Variants in COL23A1 observed in about 807,000 individuals in gnomAD.
COL23A1 encodes collagen alpha-1(XXIII) chain.
COL23A1 carries 97 observed loss-of-function variants against 99.3 expected under a neutral mutation model. The observed-to-expected ratio is 0.98, with a 90% CI of 0.83 to 1.16. The LOEUF is 1.16. COL23A1 is among the 50% of genes most tolerant of loss of function. COL23A1 has a pLI of 0.00. For synonymous variants in COL23A1, 320 were observed against 308.2 expected (o/e 1.04, Z -0.40); for missense variants, 762 against 757.4 (o/e 1.01, Z -0.07).
chr5:178,313,832 G>C lies in COL23A1; in HGVS notation c.362-6913C>G, dbSNP rs1343215633. Among the ~76,000 whole-genome samples, 3 of 152,124 alleles carry C rather than the reference G, an allele frequency of 2.0e-5. No individual in the cohort carries two copies. ...GCTGGGGCTTCAGGGCCATCAGGGG[G>C]TGCACCTTGAGCAGAGAAGGCAAGC... On this transcript the variant is annotated intron_variant, in intron 2 of 28. Transcript: ENST00000390654. The surrounding 1 kb of genome is among the most constrained non-coding windows in gnomAD (Gnocchi z 4.2).
Position 178,306,547 on chromosome 5 carries a change from G to A in COL23A1, c.406+328C>T, listed in dbSNP as rs2127603946. ...TTGTGCTGAAGGACCCATGGGGGAG[G>A]GTGTGGCTGGCGGAGTCATCACCTT... On this transcript the variant is annotated intron_variant, in intron 3 of 28. Coordinates refer to ENST00000390654, the MANE Select transcript of COL23A1 (RefSeq NM_173465.4). This position sits in a 1 kb window ranked among gnomAD's most constrained non-coding sequence, Gnocchi z 4.1. 6.6e-6 allele frequency among the ~76,000 whole-genome samples: 1 copy of A among 151,676 alleles called. No homozygotes were observed. Among genetic ancestry groups the A allele is most frequent in the Middle Eastern group, 3.4e-3 (1 of 294 alleles).
chr5:178,357,971 T>A (rs998367437), intron 2 of COL23A1, among the ~76,000 whole-genome samples: 1 of 148,364 alleles, frequency 6.7e-6, no homozygotes, highest in African/African-American at 2.5e-5. Flanking sequence ...TGTATGTGTA[T>A]GTGTATATAT....
chr5:178,398,889 C>T (rs1764289728), intron 2 of COL23A1, among the ~76,000 whole-genome samples: 1 of 152,224 alleles, frequency 6.6e-6, no homozygotes, highest in African/African-American at 2.4e-5. Context: ...TTCTTCTTTG[C>T]ATCCCAGCAC....
At chr5:178,472,598 G>A (rs1756814922) in intron 2 of COL23A1, among the ~76,000 whole-genome samples, 1 of 152,020 alleles carries the variant, frequency 6.6e-6, no homozygotes, top group Admixed American at 6.5e-5. Context: ...ATGGGTGCCA[G>A]GTGCTTATAA....
chr5:178,551,087 A>C (rs777787708), intron 2 of COL23A1, among the ~76,000 whole-genome samples: 1 of 151,390 alleles, frequency 6.6e-6, no homozygotes, highest in Non-Finnish European at 1.5e-5. Flanking sequence ...TTTGTGTGTC[A>C]CTGCTCTTGG....
chr5:178,542,954 AC>A (rs1299966785), intron 2 of COL23A1, among the ~76,000 whole-genome samples: 2 of 152,360 alleles, frequency 1.3e-5, no homozygotes, highest in Non-Finnish European at 2.9e-5. Flanking sequence ...AAAAGCTCTG[AC>A]AGAACACAGA....
At chr5:178,502,412 T>G (rs373802136) in intron 2 of COL23A1, among the ~76,000 whole-genome samples, 2 of 152,234 alleles carry the variant, frequency 1.3e-5, no homozygotes, top group African/African-American at 4.8e-5. Context: ...ATTACAGGCG[T>G]GAGCCACTGC....
At chr5:178,470,761 C>T (rs1257650754) in intron 2 of COL23A1, among the ~76,000 whole-genome samples, 1 of 149,850 alleles carries the variant, frequency 6.7e-6, no homozygotes, top group African/African-American at 2.5e-5. Context: ...TGGCACTTCC[C>T]ATAAGACACT....
At chr5:178,579,236 C>CT (rs1028381699) in intron 1 of COL23A1, among the ~76,000 whole-genome samples, 36 of 152,204 alleles carry the variant, frequency 2.4e-4, no homozygotes, top group African/African-American at 8.2e-4. Flanking sequence ...AGAAAAAACT[C>CT]TAATACCAGC....
rs566760784 is a variant in COL23A1, at chr5:178,365,448, G to A, written c.362-58529C>T. 8.6e-4 allele frequency among the ~76,000 whole-genome samples: 131 copies of A among 151,964 alleles called. No homozygotes were observed. Among genetic ancestry groups the A allele is most frequent in the African/African-American group, 3.0e-3 (126 of 41,488 alleles). ...CGCATTTCAGGTCTGACGGGTACCCGCCACCCAATCCCTCTTTCTTTTGAC... is the reference window on the plus strand; with the variant it reads ...CGCATTTCAGGTCTGACGGGTACCCACCACCCAATCCCTCTTTCTTTTGAC... On this transcript the variant is annotated intron_variant, in intron 2 of 28. Coordinates refer to ENST00000390654, the MANE Select transcript of COL23A1 (RefSeq NM_173465.4). The surrounding 1 kb of genome is among the most constrained non-coding windows in gnomAD (Gnocchi z 5.2).
intron 2 of COL23A1, among the ~76,000 whole-genome samples, chr5:178,504,050 T>C (rs1758727807): frequency 6.6e-6 from 1 of 152,140 alleles, no homozygotes; most frequent in African/African-American, 2.4e-5. Context: ...AGAGTTCACC[T>C]CATCTCAGGA....
chr5:178,518,678 C>G (rs542369389), intron 2 of COL23A1, among the ~76,000 whole-genome samples: 7 of 139,460 alleles, frequency 5.0e-5, no homozygotes, highest in Non-Finnish European at 7.9e-5. Flanking sequence ...CGGGCGGAGA[C>G]GCTCCTCACA....
chr5:178,436,945 G>A (rs1361310676), intron 2 of COL23A1, among the ~76,000 whole-genome samples: 1 of 152,174 alleles, frequency 6.6e-6, no homozygotes, highest in Non-Finnish European at 1.5e-5. Flanking sequence ...TTGACAGAAC[G>A]CATTCAGAGC....
chr5:178,585,000 G>C (rs1276035923), intron 1 of COL23A1, among the ~76,000 whole-genome samples: 1 of 152,214 alleles, frequency 6.6e-6, no homozygotes, highest in Non-Finnish European at 1.5e-5. Context: ...ATCTGCTCAA[G>C]GGTTAAAGGC....
chr5:178,330,656 GAAA>G (rs70994998), intron 2 of COL23A1, among the ~76,000 whole-genome samples: 3 of 140,262 alleles, frequency 2.1e-5, no homozygotes, highest in Non-Finnish European at 3.1e-5. Context: ...CCTCTCTCAA[GAAA>G]AAAAAAAAAA....
chr5:178,383,231 G>C (rs1763479073), intron 2 of COL23A1, among the ~76,000 whole-genome samples: 1 of 152,166 alleles, frequency 6.6e-6, no homozygotes, highest in Non-Finnish European at 1.5e-5. Context: ...ACTGGTCTGG[G>C]AACTGCACTT....
chr5:178,249,712 ACACACTCTCT>A (rs1262721785), intron 18 of COL23A1, among the ~76,000 whole-genome samples: 5 of 90,662 alleles, frequency 5.5e-5, no homozygotes, highest in East Asian at 3.9e-4. Flanking sequence ...ACACACACAC[ACACACTCTCT>A]CTCTCTCTCT....
intron 2 of COL23A1, among the ~76,000 whole-genome samples, chr5:178,358,421 G>A (rs1178389705): frequency 2.1e-4 from 31 of 145,928 alleles, no homozygotes; most frequent in African/African-American, 6.1e-4. Flanking sequence ...ATGTGTATGT[G>A]TGTGTATGTG....
chr5:178,351,272 G>A (rs951016833), intron 2 of COL23A1: 2 of 152,480 alleles, frequency 1.3e-5, no homozygotes, highest in African/African-American at 4.8e-5. Context: ...GAGTGAGGGA[G>A]AGCAGGCTCA....
Sources: gnomAD v4.1 joint callset for allele counts (sites outside exome capture counted in the v4.1 genomes callset) on GRCh38, gnomAD v4.1.1 for gene constraint, Gnocchi (gnomAD v3.1) non-coding constraint, MANE v1.5 for transcripts, NCBI Gene and HGNC (gene_info 2026-07-23, HGNC 2026-07-21) for gene names.